Variants in CGREF1 observed in about 807,000 individuals in gnomAD.
The protein encoded by CGREF1 is cell growth regulator with EF hand domain protein 1.
CGREF1 carries 16 observed loss-of-function variants against 17.4 expected under a neutral mutation model. That is an observed-to-expected ratio of 0.92 (90% CI 0.62 to 1.40). The LOEUF is 1.40. CGREF1 is among the 40% of genes most tolerant of loss of function. CGREF1 has a pLI of 0.00. For synonymous variants in CGREF1, 142 were observed against 154.6 expected (o/e 0.92, Z 0.61); for missense variants, 296 against 376.4 (o/e 0.79, Z 1.77).
downstream of CGREF1, chr2:27,099,748 T>A: frequency 6.2e-7 from 1 of 1,613,876 alleles, no homozygotes; most frequent in South Asian, 1.1e-5. Context: ...TGGCATCGTG[T>A]GAGAGCAGGT....
chr2:27,100,628 C>A lies in CGREF1; in HGVS notation c.*646G>T. 1 of 1,164,666 alleles carries A rather than the reference C, an allele frequency of 8.6e-7. No individual in the cohort carries two copies. Among genetic ancestry groups the A allele is most frequent in the Non-Finnish European group, 1.1e-6 (1 of 883,540 alleles). The allele number at this position is 1,164,666 out of a possible 1,614,324, so 72.1% of individuals were successfully genotyped here. Reference sequence around the variant, plus strand: ...ATCTGCCATTTAATTAGCTGCATATCACCTTAGGGTACAGCACTTAACGCA... The same window carrying A: ...ATCTGCCATTTAATTAGCTGCATATAACCTTAGGGTACAGCACTTAACGCA... On this transcript the variant is annotated 3_prime_UTR_variant, in exon 6 of 6. Transcript: ENST00000402394.
chr2:27,116,871 T>TTTC (rs1671585772), intron 1 of CGREF1, among the ~76,000 whole-genome samples: 1 of 33,680 alleles, frequency 3.0e-5, no homozygotes, highest in South Asian at 1.5e-3. Flanking sequence ...GCCAGGCCTA[T>TTTC]TCTCTCTCTC....
downstream of CGREF1, chr2:27,099,792 GC>G (rs1357061584): frequency 1.2e-6 from 2 of 1,604,148 alleles, no homozygotes; most frequent in East Asian, 4.5e-5. Flanking sequence ...GACTACCATT[GC>G]GGCTGCATCG....
At position 27,101,263 on chromosome 2, in the gene CGREF1, A is replaced by G. The variant is rs1670814615; in HGVS notation, c.*11T>C. The G allele has an allele frequency of 3.3e-6, 5 of 1,532,064 alleles. No individual in the cohort carries two copies. Among genetic ancestry groups the G allele is most frequent in the Non-Finnish European group, 4.4e-6 (5 of 1,139,410 alleles). The allele number at this position is 1,532,064 out of a possible 1,614,324, so 94.9% of individuals were successfully genotyped here. On this transcript the variant is annotated 3_prime_UTR_variant, in exon 6 of 6. Transcript: ENST00000402394. ...CACTGAGACTTCGTGGGGTACCTGT[A>G]TCTTCAAGATCTAGATCTCATCATT...
downstream of CGREF1, chr2:27,099,909 G>C (rs886055892): frequency 4.0e-6 from 6 of 1,490,816 alleles, no homozygotes; most frequent in East Asian, 2.5e-5. Flanking sequence ...ACAGGGAGAG[G>C]CTCTGGGGGG....
At chr2:27,100,473 G>A (rs1670752020), downstream of CGREF1, 1 of 1,291,056 alleles carries the variant, frequency 7.7e-7, no homozygotes, top group South Asian at 1.2e-5. Context: ...GAGTGTTGCT[G>A]TCCTCAGGGA....
At chr2:27,102,685 C>T in intron 2 of CGREF1, 94 bp from the exon 3 acceptor site, 1 of 1,377,400 alleles carries the variant, frequency 7.3e-7, no homozygotes, top group South Asian at 1.3e-5. Flanking sequence ...CAGTTTTCTC[C>T]CCAGACCCAA....
intron 1 of CGREF1, among the ~76,000 whole-genome samples, chr2:27,118,118 G>A (rs1315552711): frequency 1.3e-5 from 2 of 152,152 alleles, no homozygotes; most frequent in African/African-American, 2.4e-5. Flanking sequence ...CACCAAGCAG[G>A]TGCTGCTTGG....
intron 1 of CGREF1, among the ~76,000 whole-genome samples, chr2:27,112,629 A>G (rs1671432383): frequency 6.6e-6 from 1 of 152,250 alleles, no homozygotes; most frequent in South Asian, 2.1e-4. Flanking sequence ...AAGAAATTAC[A>G]AAGATATGTA....
At chr2:27,105,603 G>C (rs561469091) in intron 1 of CGREF1, among the ~76,000 whole-genome samples, 1 of 152,028 alleles carries the variant, frequency 6.6e-6, no homozygotes, top group Non-Finnish European at 1.5e-5. Flanking sequence ...CTGGAGTGCA[G>C]TGGCATGATC....
Position 27,101,761 on chromosome 2 carries a change from G to A in CGREF1, c.470C>T (p.Ala157Val). Residue 157 changes from alanine to valine, a missense_variant, in exon 6 of 6, where the codon GCT (alanine) becomes GTT (valine). Physicochemically the swap from Ala to Val is moderately conservative, Grantham distance 64. Coordinates refer to ENST00000402394, the MANE Select transcript of CGREF1 (RefSeq NM_006569.6). ...AGCTTGTGGCTCCTGAGGAGATGGA[G>A]CAAGGGGCTCTCCGGGCTCCACGTG... ...LRHVEPGEPL[A>V]PSPQEPQAVG... The A allele has an allele frequency of 2.5e-6, 4 of 1,614,262 alleles. No individual in the cohort carries two copies. Among genetic ancestry groups the A allele is most frequent in the South Asian group, 1.1e-5 (1 of 91,086 alleles).
chr2:27,105,239 C>T (rs565576453), intron 1 of CGREF1, among the ~76,000 whole-genome samples: 94 of 152,276 alleles, frequency 6.2e-4, no homozygotes, highest in African/African-American at 1.9e-3. Context: ...AAAGAAAAAC[C>T]GTCAGATGCT....
chr2:27,104,804 A>T, intron 1 of CGREF1: 1 of 1,456,376 alleles, frequency 6.9e-7, no homozygotes, highest in Non-Finnish European at 9.1e-7. Context: ...TCACAAAAAG[A>T]CCAAGACTTA....
chr2:27,109,206 C>T (rs956511457), intron 1 of CGREF1, among the ~76,000 whole-genome samples: 2 of 151,330 alleles, frequency 1.3e-5, no homozygotes, highest in Non-Finnish European at 2.9e-5. Context: ...TCCATTTCTA[C>T]AAAAAATAGG....
At chr2:27,116,248 C>T (rs35314190) in intron 1 of CGREF1, among the ~76,000 whole-genome samples, 51,366 of 147,344 alleles carry the variant, frequency 0.35, 9,490 homozygotes, top group Admixed American at 0.5. Context: ...AAACAAAGGC[C>T]GGGCATGGTG....
At chr2:27,107,947 A>AAAAG (rs1322863878) in intron 1 of CGREF1, among the ~76,000 whole-genome samples, 10 of 148,392 alleles carry the variant, frequency 6.7e-5, no homozygotes, top group African/African-American at 2.1e-4. Flanking sequence ...AAAAAAAAAA[A>AAAAG]AAAGAAAGAA....
intron 1 of CGREF1, among the ~76,000 whole-genome samples, chr2:27,117,809 C>T (rs1412051350): frequency 1.3e-5 from 2 of 150,254 alleles, no homozygotes; most frequent in East Asian, 1.9e-4. Context: ...CCCGGGTTCA[C>T]GCCATTCTCC....
At position 27,119,123 on chromosome 2, in the gene CGREF1, G is replaced by A. The variant is rs1671699820; in HGVS notation, c.-289C>T. On this transcript the variant is annotated 5_prime_UTR_variant, in exon 1 of 6. It adds an upstream start codon to the 5' untranslated region. Transcript: ENST00000402394. This position sits in a 1 kb window ranked among gnomAD's most constrained non-coding sequence, Gnocchi z 5.6. The stretch of plus-strand genomic sequence containing the variant: ...TGCGCGCGCCCGTGTGAGTGTGCGC[G>A]TGTGTGCGTGCGTGAGTGCGCATGT... 1 of 152,288 alleles carries A rather than the reference G, an allele frequency of 6.6e-6. No individual in the cohort carries two copies. The highest frequency in any genetic ancestry group is 2.0e-4 in the South Asian group (1 of 4,906). 9.4% of individuals were successfully genotyped at this position (152,288 alleles called of 1,614,324 possible).
chr2:27,100,695 G>T lies in CGREF1; in HGVS notation c.*579C>A. On this transcript the variant is annotated 3_prime_UTR_variant, in exon 6 of 6. Coordinates refer to ENST00000402394, the MANE Select transcript of CGREF1 (RefSeq NM_006569.6). ...TCATCTGTCAAATGGAACCAATTCT[G>T]CTTGGCTACAGAATTATTGTGAGGA... The T allele has an allele frequency of 9.1e-7, 1 of 1,098,574 alleles. No homozygotes were observed. The highest frequency in any genetic ancestry group is 1.2e-6 in the Non-Finnish European group (1 of 855,722). The allele number at this position is 1,098,574 out of a possible 1,614,324, so 68.1% of individuals were successfully genotyped here.
Sources: allele counts gnomAD v4.1 joint callset (sites outside exome capture counted in the v4.1 genomes callset), GRCh38; gene constraint gnomAD v4.1.1; non-coding constraint Gnocchi (gnomAD v3.1); transcripts MANE v1.5; gene names NCBI Gene and HGNC (gene_info 2026-07-23, HGNC 2026-07-21).